The following HS1BP3 variants were observed in gnomAD, a reference collection of about 807,000 sequenced individuals.
The protein encoded by HS1BP3 is HCLS1-binding protein 3.
A neutral mutation model predicts 33.5 loss-of-function variants in HS1BP3; 32 were observed. The ratio of observed to expected loss-of-function variants is 0.95; its 90% confidence interval spans 0.72 to 1.28. The LOEUF (loss-of-function observed/expected upper bound fraction) is 1.28. HS1BP3 is among the 50% of genes most tolerant of loss of function. The pLI is 0.00. For synonymous variants in HS1BP3, 187 were observed against 209.2 expected, an observed-to-expected ratio of 0.89 and a Z score of 0.92; for missense variants, 486 against 502.3, an observed-to-expected ratio of 0.97 and a Z score of 0.31.
intron 5 of HS1BP3, among the ~76,000 whole-genome samples, chr2:20,567,374 G>A (rs1424750740): frequency 5.3e-5 from 8 of 152,214 alleles, no homozygotes; most frequent in African/African-American, 1.7e-4. Context: ...GGCTGCCTGA[G>A]GCCAGGCCAG....
chr2:20,571,260 C>T (rs548451565), intron 5 of HS1BP3, among the ~76,000 whole-genome samples: 1 of 152,160 alleles, frequency 6.6e-6, no homozygotes, highest in Non-Finnish European at 1.5e-5. Context: ...CCCAGCCTTG[C>T]TCCCTCTGCG....
chr2:20,591,181 A>T (rs372167986), downstream of HS1BP3: 2 of 167,170 alleles, frequency 1.2e-5, no homozygotes, highest in African/African-American at 4.8e-5. Flanking sequence ...TGCCCCAGCC[A>T]CTGGAGAGGG....
chr2:20,638,651 A>G lies in HS1BP3; in HGVS notation c.408T>C (p.Gly136=), dbSNP rs772758088. The G allele has an allele frequency of 6.2e-7, 1 of 1,612,542 alleles. No homozygotes were observed. The highest frequency in any genetic ancestry group is 1.3e-5 in the African/African-American group (1 of 74,848). ...AGSPELLEFL[G]TRSPGAAGLT... ...GCCCTGCAGCCCCTGGGGATCTGGT[A>G]CCTGTGGAGGAAGACAGAAAAGAAT... Residue 136 remains glycine, a splice_region_variant and synonymous_variant, in exon 4 of 7, where the codon GGT becomes GGC. Coordinates refer to ENST00000304031, the MANE Select transcript of HS1BP3 (RefSeq NM_022460.4).
rs1558340356 is a variant in HS1BP3, at chr2:20,624,751, C to T, written c.765G>A (p.Glu255=). 1.2e-6 allele frequency: 2 copies of T among 1,605,644 alleles called. No homozygotes were observed. The highest frequency in any genetic ancestry group is 1.7e-5 in the Admixed American group (1 of 58,462). The change falls in exon 5 of 7, where the codon GAG becomes GAA. Residue 255 remains glutamate (E), a synonymous_variant. Transcript: ENST00000304031. ...ACTTACGGTCCACGGATGACACGTC[C>T]TCCGAGGGGTCCTGTGGAGACAGCT... ...GRKLSPQDPS[E]DVSSVDPLKL... is the part of the protein sequence containing the mutation.
intron 2 of HS1BP3, among the ~76,000 whole-genome samples, chr2:20,612,371 A>C (rs1443348206): frequency 6.6e-6 from 1 of 152,250 alleles, no homozygotes; most frequent in East Asian, 1.9e-4. Context: ...TGTACAATTG[A>C]ACAATTTTAG....
At chr2:20,571,452 C>A (rs1396274125) in intron 5 of HS1BP3, among the ~76,000 whole-genome samples, 1 of 152,240 alleles carries the variant, frequency 6.6e-6, no homozygotes, top group South Asian at 2.1e-4. Flanking sequence ...GAACACTCCC[C>A]ACATTGTTCG....
At chr2:20,626,533 G>A (rs1694789885) in intron 4 of HS1BP3, among the ~76,000 whole-genome samples, 3 of 152,374 alleles carry the variant, frequency 2.0e-5, no homozygotes, top group East Asian at 3.9e-4. Context: ...AATGTCCCAT[G>A]AGGAAGGTGA....
downstream of HS1BP3, among the ~76,000 whole-genome samples, chr2:20,616,821 AAC>A (rs1324297818): frequency 6.6e-6 from 1 of 152,114 alleles, no homozygotes; most frequent in Non-Finnish European, 1.5e-5. Context: ...GAACATCACT[AAC>A]ACAGGCTGGA....
intron 5 of HS1BP3, among the ~76,000 whole-genome samples, chr2:20,580,112 T>C (rs28642817): frequency 0.042 from 6,467 of 152,356 alleles, 438 homozygotes; most frequent in African/African-American, 0.14. Flanking sequence ...GGGCAAGGAC[T>C]GGAGCAGAGG....
At chr2:20,597,902 AG>A (rs972094174) in intron 3 of HS1BP3, among the ~76,000 whole-genome samples, 1 of 152,118 alleles carries the variant, frequency 6.6e-6, no homozygotes, top group Non-Finnish European at 1.5e-5. Context: ...AGGGCCTGGC[AG>A]GGGAGCCGGC....
At chr2:20,637,732 A>C (rs941095372) in intron 4 of HS1BP3, 2 of 152,412 alleles carry the variant, frequency 1.3e-5, no homozygotes, top group Non-Finnish European at 2.9e-5. Flanking sequence ...CTGCGGCAGG[A>C]CCTACACTCA....
intron 2 of HS1BP3, among the ~76,000 whole-genome samples, chr2:20,644,131 T>C (rs1350665005): frequency 3.3e-5 from 5 of 152,156 alleles, no homozygotes; most frequent in Non-Finnish European, 7.3e-5. Flanking sequence ...TGGACCTGTG[T>C]CTCTTGGTCT....
chr2:20,638,208 C>T (rs1057455221), intron 4 of HS1BP3: 26 of 595,802 alleles, frequency 4.4e-5, no homozygotes, highest in African/African-American at 2.8e-4. Flanking sequence ...TCCTGTGACC[C>T]GAGAAGGGAG....
chr2:20,563,502 T>C (rs28454942), intron 5 of HS1BP3, among the ~76,000 whole-genome samples: 5,879 of 152,274 alleles, frequency 0.039, 383 homozygotes, highest in African/African-American at 0.13. Context: ...ATAAGGAGCT[T>C]CTACAGGCAA....
At chr2:20,585,831 T>TGCCTACTGTGTGTCAGGCACGGC (rs2149277299) in intron 5 of HS1BP3, among the ~76,000 whole-genome samples, 1 of 152,362 alleles carries the variant, frequency 6.6e-6, no homozygotes, top group Admixed American at 6.5e-5. Context: ...CATACCATCA[T>TGCCTACTGTGTGTCAGGCACGGC]GCCTACTGTG....
At chr2:20,614,401 C>T (rs1431986484), downstream of HS1BP3, among the ~76,000 whole-genome samples, 2 of 152,178 alleles carry the variant, frequency 1.3e-5, no homozygotes, top group Non-Finnish European at 2.9e-5. Flanking sequence ...TCCATGCTGG[C>T]AGGTGGCAGA....
chr2:20,589,789 C>A (rs1693767569), downstream of HS1BP3, among the ~76,000 whole-genome samples: 1 of 152,108 alleles, frequency 6.6e-6, no homozygotes, highest in Non-Finnish European at 1.5e-5. Context: ...AGCTATAGGA[C>A]CCAGACTCCT....
chr2:20,592,717 G>GT (rs922466048), exon 4 of HS1BP3: 1 of 152,336 alleles, frequency 6.6e-6, no homozygotes, highest in African/African-American at 2.4e-5. Flanking sequence ...TCCCCCGCTG[G>GT]TGGCAGCACC....
the HS1BP3 span, among the ~76,000 whole-genome samples, chr2:20,554,432 G>A: frequency 2.0e-5 from 3 of 152,304 alleles, no homozygotes; most frequent in Admixed American, 2.0e-4. Context: ...AGCTTAAGAA[G>A]CACTCAGGGG....
Sources: gnomAD v4.1 joint callset for allele counts (sites outside exome capture counted in the v4.1 genomes callset) on GRCh38, gnomAD v4.1.1 for gene constraint, MANE v1.5 for transcripts, NCBI Gene and HGNC (gene_info 2026-07-23, HGNC 2026-07-21) for gene names.